The following CRNKL1 variants were observed in gnomAD, a reference collection of about 807,000 sequenced individuals.
CRNKL1 encodes crooked neck-like protein 1.
A neutral mutation model predicts 103.7 loss-of-function variants in CRNKL1; 35 were observed. The ratio of observed to expected loss-of-function variants is 0.34; its 90% CI spans 0.26 to 0.45. CRNKL1 has a LOEUF of 0.45. CRNKL1 is among the 20% of genes least tolerant of loss of function. The probability of loss-of-function intolerance (pLI) is 1.00; values close to 1 mark genes in which losing one functional copy is unlikely to be tolerated. For missense variants in CRNKL1, 645 were observed against 836.0 expected, an observed-to-expected ratio of 0.77 and a Z score of 2.82; for synonymous variants, 267 against 282.6, an observed-to-expected ratio of 0.94 and a Z score of 0.55.
intron 12 of CRNKL1, 96 bp downstream of exon 12, chr20:20,038,253 A>AC: frequency 2.6e-6 from 2 of 757,336 alleles, no homozygotes; most frequent in Non-Finnish European, 4.2e-6. Context: ...AAAAAAAAAA[A>AC]ACAAAAACCC....
intron 9 of CRNKL1, 107 bp downstream of exon 9, chr20:20,041,459 G>T: frequency 2.3e-6 from 2 of 885,334 alleles, no homozygotes; most frequent in East Asian, 5.0e-5. Flanking sequence ...GTCCATGGTG[G>T]GACAGGGAAG....
At chr20:20,052,932 G>T (rs565319582), upstream of CRNKL1, among the ~76,000 whole-genome samples, 2 of 149,416 alleles carry the variant, frequency 1.3e-5, no homozygotes, top group African/African-American at 2.5e-5. Context: ...ATTCTAAGGT[G>T]CCCAAATAAT....
chr20:20,038,568 C>A, intron 11 of CRNKL1, 118 bp from the exon 12 acceptor site: 1 of 616,774 alleles, frequency 1.6e-6, no homozygotes, highest in Non-Finnish European at 2.8e-6. Flanking sequence ...TTTTACTGAA[C>A]AACTAAAGAA....
chr20:20,040,515 T>A (rs376713533), intron 10 of CRNKL1, among the ~76,000 whole-genome samples, 171 bp downstream of exon 10: 1 of 152,188 alleles, frequency 6.6e-6, no homozygotes, highest in African/African-American at 2.4e-5. Context: ...ATTTACGCAT[T>A]ATTAGTCAGT....
In CRNKL1 at chr20:20,048,326, T is replaced by A; in HGVS notation, c.455+17A>T. The A allele has an allele frequency of 6.2e-7, 1 of 1,613,402 alleles. No individual in the cohort carries two copies. Among genetic ancestry groups the A allele is most frequent in the South Asian group, 1.1e-5 (1 of 91,046 alleles). On this transcript the variant is annotated intron_variant, in intron 4 of 13. Transcript: ENST00000536226. ...TGCTAGTCTATAAAAGGCTGTTTTG[T>A]TAGATCAGAAACTTACCAGAACTGA...
chr20:20,038,367 T>C lies in CRNKL1; in HGVS notation c.1629A>G (p.Gln543=). The C allele has an allele frequency of 3.9e-6, 6 of 1,551,398 alleles. No individual in the cohort carries two copies. Among genetic ancestry groups the C allele is most frequent in the South Asian group, 3.6e-5 (3 of 84,104 alleles). ...RTRNLYRRLL[Q]RTQHVKVWIS... is the part of the protein sequence containing the mutation. Reference sequence around the variant, plus strand: ...AGGATACCTTGACATGCTGCGTCCGTTGAAGCAACCGCCGGTAAAGGTTTC... The same window carrying C: ...AGGATACCTTGACATGCTGCGTCCGCTGAAGCAACCGCCGGTAAAGGTTTC... Residue 543 remains glutamine, a synonymous_variant, in exon 12 of 14, where the codon CAA becomes CAG. Transcript: ENST00000536226.
At chr20:20,041,301 T>C (rs1479766068) in intron 9 of CRNKL1, among the ~76,000 whole-genome samples, 1 of 152,242 alleles carries the variant, frequency 6.6e-6, no homozygotes, top group Admixed American at 6.5e-5. Flanking sequence ...GCTCTCTGCA[T>C]GGATGTCTTT....
At chr20:20,040,522 C>T (rs1162108120) in intron 10 of CRNKL1, among the ~76,000 whole-genome samples, 164 bp downstream of exon 10, 1 of 151,978 alleles carries the variant, frequency 6.6e-6, no homozygotes, top group African/African-American at 2.4e-5. Context: ...CATTATTAGT[C>T]AGTGTTTTTA....
At chr20:20,050,074 C>A (rs1024544166) in intron 2 of CRNKL1, among the ~76,000 whole-genome samples, 1 of 152,220 alleles carries the variant, frequency 6.6e-6, no homozygotes, top group African/African-American at 2.4e-5. Flanking sequence ...GCCTCGGCCT[C>A]CCAAAGTGTT....
intron 1 of CRNKL1, 55 bp from the exon 2 acceptor site, chr20:20,050,677 A>C: frequency 6.8e-7 from 1 of 1,480,872 alleles, no homozygotes; most frequent in African/African-American, 1.4e-5. Context: ...CACAAGGCTT[A>C]AGAAACAAAC....
At chr20:20,054,216 G>C (rs2044082348), upstream of CRNKL1, among the ~76,000 whole-genome samples, 2 of 151,328 alleles carry the variant, frequency 1.3e-5, no homozygotes. Context: ...TTCAGTCTTT[G>C]TATGAAATTG....
At position 20,043,478 on chromosome 20, in the gene CRNKL1, ACACCAGTGCT is replaced by A; in HGVS notation, c.972+4_972+13del. ...GGGTTATCTGCAGAGTTGACCATCC[ACACCAGTGCT>A]CACCTTCACTTCTTCTTCGTACTGG... On this transcript the variant is annotated splice_donor_5th_base_variant and intron_variant, in intron 7 of 13. Transcript: ENST00000536226. 2 of 1,609,764 alleles carry A rather than the reference ACACCAGTGCT, an allele frequency of 1.2e-6. No individual in the cohort carries two copies. The highest frequency in any genetic ancestry group is 1.7e-6 in the Non-Finnish European group (2 of 1,176,390).
chr20:20,051,628 G>T (rs1042425987), intron 1 of CRNKL1, among the ~76,000 whole-genome samples: 2 of 152,224 alleles, frequency 1.3e-5, no homozygotes, highest in African/African-American at 2.4e-5. Context: ...TCCAGTTCAA[G>T]AGAGTCATCC....
At chr20:20,053,362 C>T (rs1277695861), upstream of CRNKL1, among the ~76,000 whole-genome samples, 1 of 152,188 alleles carries the variant, frequency 6.6e-6, no homozygotes, top group East Asian at 1.9e-4. Context: ...CTAACAGCCT[C>T]CAACTCTTAA....
upstream of CRNKL1, chr20:20,052,692 A>G (rs1206103145): frequency 6.2e-7 from 1 of 1,612,726 alleles, no homozygotes. Context: ...TGACCAGGCG[A>G]GGACGAGTGG....
upstream of CRNKL1, among the ~76,000 whole-genome samples, chr20:20,054,013 GTTTTTTT>G (rs1239349657): frequency 1.2e-4 from 7 of 59,106 alleles, no homozygotes; most frequent in East Asian, 2.5e-3. Context: ...TTTTTTGTTT[GTTTTTTT>G]TTTTTTTTTT....
upstream of CRNKL1, chr20:20,055,906 T>C (rs970563899): frequency 1.4e-6 from 2 of 1,441,864 alleles, no homozygotes; most frequent in South Asian, 1.2e-5. Context: ...CTTACAGAAA[T>C]TGAGACAATG....
upstream of CRNKL1, among the ~76,000 whole-genome samples, chr20:20,054,361 A>G (rs2044096659): frequency 2.0e-5 from 3 of 152,018 alleles, no homozygotes; most frequent in South Asian, 4.1e-4. Flanking sequence ...AATTCAGCCC[A>G]TTGACTATTT....
chr20:20,052,376 C>A lies in CRNKL1; in HGVS notation c.-34G>T. The A allele has an allele frequency of 6.2e-7, 1 of 1,614,170 alleles. No individual in the cohort carries two copies. Among genetic ancestry groups the A allele is most frequent in the Non-Finnish European group, 8.5e-7 (1 of 1,180,048 alleles). ...CAGTCGACCTCTGGACACCTGTCCC[C>A]GGCACGGACGCTAGAAATCGGCTCT... On this transcript the variant is annotated 5_prime_UTR_variant, in exon 1 of 14. Coordinates refer to ENST00000536226, the MANE Select transcript of CRNKL1 (RefSeq NM_001278628.2).
Sources: gnomAD v4.1 joint callset for allele counts (sites outside exome capture counted in the v4.1 genomes callset) on GRCh38, gnomAD v4.1.1 for gene constraint, MANE v1.5 for transcripts, NCBI Gene and HGNC (gene_info 2026-07-23, HGNC 2026-07-21) for gene names.